ULK2: variants seen among roughly 807,000 people sequenced by gnomAD.
The protein encoded by ULK2 is unc-51 like autophagy activating kinase 2.
Under a neutral mutation model 127.5 loss-of-function variants are expected in ULK2, and 76 were observed. The ratio of observed to expected loss-of-function variants is 0.60; its 90% CI spans 0.50 to 0.72. ULK2 has a LOEUF of 0.72. ULK2 is among the 30% of genes least tolerant of loss of function. The pLI is 0.00. For missense variants in ULK2, 1,144 were observed against 1,295.9 expected (o/e 0.88, Z 1.80); for synonymous variants, 452 against 461.9 (o/e 0.98, Z 0.28).
chr17:19,851,674 C>A (rs2042019016), intron 3 of ULK2, among the ~76,000 whole-genome samples: 1 of 151,608 alleles, frequency 6.6e-6, no homozygotes. Flanking sequence ...ATAAAAAAGT[C>A]TTGAAGGACA....
intron 3 of ULK2, among the ~76,000 whole-genome samples, chr17:19,853,518 A>C (rs1039342102): frequency 2.6e-5 from 4 of 151,464 alleles, no homozygotes; most frequent in African/African-American, 9.7e-5. Flanking sequence ...GGCAGTTTCT[A>C]TGGTTTATCT....
At chr17:19,784,303 A>T (rs1035099096) in intron 21 of ULK2, among the ~76,000 whole-genome samples, 1 of 151,986 alleles carries the variant, frequency 6.6e-6, no homozygotes. Context: ...TCATATTACA[A>T]ATAGCACTGT....
chr17:19,845,742 T>TA lies in ULK2; in HGVS notation c.470-366dup, dbSNP rs527870888. On this transcript the variant is annotated intron_variant, in intron 6 of 26. Transcript: ENST00000395544. ...GTTTCAAATAATTTTGAGGTACTAC[T>TA]AAAAAAAAACTGCCAAGGGCTAAAC... Among the ~76,000 whole-genome samples, 6 of 151,328 alleles carry TA rather than the reference T, an allele frequency of 4.0e-5. No homozygotes were observed. The East Asian group carries it at 7.7e-4, about 20-fold the overall frequency.
At chr17:19,852,841 A>G (rs569287249) in intron 3 of ULK2, among the ~76,000 whole-genome samples, 24 of 151,748 alleles carry the variant, frequency 1.6e-4, no homozygotes, top group African/African-American at 5.8e-4. Flanking sequence ...TAGTAGAGAC[A>G]GGGTTTCACT....
intron 20 of ULK2, among the ~76,000 whole-genome samples, chr17:19,786,791 C>A (rs905562107): frequency 6.6e-6 from 1 of 151,776 alleles, no homozygotes; most frequent in Admixed American, 6.6e-5. Flanking sequence ...GAATTTACTG[C>A]CAGCAGACCT....
At position 19,826,158 on chromosome 17, in the gene ULK2, C is replaced by A; in HGVS notation, c.816G>T (p.Glu272Asp). ...FEAFFSHPFL[E>D]QGPVKKSCPV... ...ACTCACATTTTTTTACTGGACCTTGCTCAAGAAAAGGATGGCTAAAAAATG... is the reference window on the plus strand; with the variant it reads ...ACTCACATTTTTTTACTGGACCTTGATCAAGAAAAGGATGGCTAAAAAATG... The change falls in exon 11 of 27, where the codon GAG becomes GAT. Residue 272 changes from glutamate to aspartate, a missense_variant. Coordinates refer to ENST00000395544, the MANE Select transcript of ULK2 (RefSeq NM_014683.4). The A allele has an allele frequency of 6.8e-7, 1 of 1,467,796 alleles. No homozygotes were observed. The allele number at this position is 1,467,796 out of a possible 1,614,324, so 90.9% of individuals were successfully genotyped here.
intron 3 of ULK2, among the ~76,000 whole-genome samples, chr17:19,858,383 G>C (rs926986261): frequency 6.6e-6 from 1 of 151,688 alleles, no homozygotes; most frequent in Non-Finnish European, 1.5e-5. Flanking sequence ...CTGGGCAAGA[G>C]AGCCAGACCC....
intron 12 of ULK2, among the ~76,000 whole-genome samples, chr17:19,818,928 G>C (rs565115380): frequency 7.3e-5 from 11 of 150,400 alleles, no homozygotes; most frequent in African/African-American, 2.4e-4. Flanking sequence ...AGCCTCTCGA[G>C]TAGCTGGGAT....
rs1012504726 is a variant in ULK2 at position 19,834,873 on chromosome 17, G to A, written c.787+3628C>T. Among the ~76,000 whole-genome samples the A allele has an allele frequency of 6.0e-5, 9 of 150,310 alleles. No homozygotes were observed. In the East Asian group the frequency reaches 7.8e-4, roughly 13 times the overall value. ...TGCAGTGAGGCTTGTTTTTACCACCGTACTTAGGCCTGGGTGCAGAGTGAG... is the reference window on the plus strand; with the variant it reads ...TGCAGTGAGGCTTGTTTTTACCACCATACTTAGGCCTGGGTGCAGAGTGAG... On this transcript the variant is annotated intron_variant, in intron 10 of 26. Coordinates refer to ENST00000395544, the MANE Select transcript of ULK2 (RefSeq NM_014683.4).
chr17:19,797,720 A>G (rs1413446587), intron 17 of ULK2, 38 bp from the exon 18 acceptor site: 1 of 1,422,974 alleles, frequency 7.0e-7, no homozygotes, highest in African/African-American at 1.5e-5. Context: ...CCTGAAGTGA[A>G]GAAGTGCAGT....
At chr17:19,819,247 C>T (rs1331154243) in intron 12 of ULK2, among the ~76,000 whole-genome samples, 1 of 152,196 alleles carries the variant, frequency 6.6e-6, no homozygotes, top group African/African-American at 2.4e-5. Flanking sequence ...GCAAGTATTT[C>T]CCGTACTCCT....
chr17:19,863,173 C>T lies in ULK2; in HGVS notation c.225+1630G>A, dbSNP rs555137596. On this transcript the variant is annotated intron_variant, in intron 3 of 26. Transcript: ENST00000395544. ...GAGGTTGCAGTGAGCCAAGCTCACA[C>T]CACTTCACTCCAGCCTGGGCGACAA... Among the ~76,000 whole-genome samples the T allele has an allele frequency of 1.8e-3, 269 of 151,948 alleles. 2 individuals carry two copies. The highest frequency in any genetic ancestry group is 3.4e-3 in the Middle Eastern group (1 of 294).
intron 10 of ULK2, among the ~76,000 whole-genome samples, chr17:19,830,096 C>G (rs1169072488): frequency 2.6e-5 from 4 of 152,158 alleles, no homozygotes; most frequent in South Asian, 2.1e-4. Flanking sequence ...AACAGACACA[C>G]GCAGAGTACT....
intron 14 of ULK2, among the ~76,000 whole-genome samples, chr17:19,805,233 A>G (rs1193000516): frequency 6.6e-6 from 1 of 152,236 alleles, no homozygotes; most frequent in East Asian, 1.9e-4. Flanking sequence ...TGTTTGCAAA[A>G]GTCATGAATG....
chr17:19,806,657 G>A (rs887372900), intron 14 of ULK2, among the ~76,000 whole-genome samples: 1 of 152,160 alleles, frequency 6.6e-6, no homozygotes, highest in African/African-American at 2.4e-5. Flanking sequence ...CCATTTTCCT[G>A]TACAACTTAA....
intron 19 of ULK2, 129 bp downstream of exon 19, chr17:19,795,966 T>A: frequency 7.8e-7 from 1 of 1,284,446 alleles, no homozygotes; most frequent in Non-Finnish European, 1.1e-6. Flanking sequence ...ATGTACGTGG[T>A]ACATATCAAT....
At chr17:19,814,267 G>T (rs1373707294) in intron 13 of ULK2, among the ~76,000 whole-genome samples, 6 of 150,874 alleles carry the variant, frequency 4.0e-5, no homozygotes, top group Non-Finnish European at 7.4e-5. Flanking sequence ...AGAAAATATA[G>T]AACACCATTA....
intron 3 of ULK2, among the ~76,000 whole-genome samples, chr17:19,857,552 T>C (rs922815554): frequency 6.6e-6 from 1 of 152,214 alleles, no homozygotes; most frequent in Non-Finnish European, 1.5e-5. Flanking sequence ...CTCAGTTTTA[T>C]GAGCACCACC....
At chr17:19,841,636 G>A (rs1332870000) in intron 8 of ULK2, 89 bp from the exon 9 acceptor site, 9 of 988,906 alleles carry the variant, frequency 9.1e-6, no homozygotes, top group Non-Finnish European at 1.0e-5. Flanking sequence ...TTTTTTTTAA[G>A]GGATTGAGGG....
Sources: allele counts gnomAD v4.1 joint callset (sites outside exome capture counted in the v4.1 genomes callset), GRCh38; gene constraint gnomAD v4.1.1; transcripts MANE v1.5; gene names NCBI Gene and HGNC (gene_info 2026-07-23, HGNC 2026-07-21).